SLC25A3: variants seen among roughly 807,000 people sequenced by gnomAD.
SLC25A3 encodes solute carrier family 25 member 3.
A neutral mutation model predicts 37.1 loss-of-function variants in SLC25A3; 14 were observed. That is an observed-to-expected ratio of 0.38 (90% CI 0.25 to 0.59). SLC25A3 has a LOEUF of 0.59. SLC25A3 is among the 20% of genes least tolerant of loss of function. SLC25A3 has a pLI of 0.67. For synonymous variants in SLC25A3, 161 were observed against 168.7 expected, an observed-to-expected ratio of 0.95 and a Z score of 0.36; for missense variants, 385 against 458.1, an observed-to-expected ratio of 0.84 and a Z score of 1.46.
In SLC25A3 at chr12:98,594,015, C is replaced by G; in HGVS notation, c.37C>G (p.Pro13Ala). Residue 13 changes from proline to alanine, a missense_variant, in exon 2 of 8, where the codon CCC becomes GCC. Pro to Ala is a conservative substitution (Grantham distance 27). Coordinates refer to ENST00000552981, the MANE Select transcript of SLC25A3 (RefSeq NM_002635.4). ...SSVAHLARAN[P>A]FNTPHLQLVH... ...CGTGGCGCACCTGGCGCGGGCGAAC[C>G]CCTTCAACACGCCACATCTGCAGCT... 1 of 1,613,820 alleles carries G rather than the reference C, an allele frequency of 6.2e-7. No individual in the cohort carries two copies. The highest frequency in any genetic ancestry group is 1.3e-5 in the African/African-American group (1 of 75,060).
rs1418395127 is a variant in SLC25A3, at chr12:98,602,064, A to G, written c.*536A>G. The G allele has an allele frequency of 6.2e-6, 1 of 161,556 alleles. No homozygotes were observed. Among genetic ancestry groups the G allele is most frequent in the Non-Finnish European group, 1.4e-5 (1 of 74,058 alleles). The allele number at this position is 161,556 out of a possible 1,614,324, so 10.0% of individuals were successfully genotyped here. On this transcript the variant is annotated 3_prime_UTR_variant, in exon 8 of 8. Coordinates refer to ENST00000552981, the MANE Select transcript of SLC25A3 (RefSeq NM_002635.4). ...GTTTGCTAATCCTTATTTGTAAGAC[A>G]AGGTAAACCAAATTAGGCTGATTCT...
chr12:98,598,848 T>C, intron 5 of SLC25A3, 145 bp downstream of exon 5: 1 of 735,684 alleles, frequency 1.4e-6, no homozygotes. Context: ...TGATCTCGGC[T>C]CACTGCAAGC....
In SLC25A3 at chr12:98,603,265, T is replaced by C. The variant is rs1256946971; in HGVS notation, c.*1737T>C. 1 of 152,222 alleles carries C rather than the reference T, an allele frequency of 6.6e-6. No homozygotes were observed. The highest frequency in any genetic ancestry group is 2.4e-5 in the African/African-American group (1 of 41,458). 9.4% of individuals were successfully genotyped at this position (152,222 alleles called of 1,614,324 possible). A position where few individuals can be genotyped will look rare whatever the true frequency, so the allele number is the denominator to read the frequency against. Reference sequence around the variant, plus strand: ...ACTTCTGAGCTGAAAGGATGCTCTTTGTGCTTTTCACTATTAGTGGTATAG... The same window carrying C: ...ACTTCTGAGCTGAAAGGATGCTCTTCGTGCTTTTCACTATTAGTGGTATAG... On this transcript the variant is annotated 3_prime_UTR_variant, in exon 8 of 8. Coordinates refer to ENST00000552981, the MANE Select transcript of SLC25A3 (RefSeq NM_002635.4).
chr12:98,593,877 G>T (rs1205795625), intron 1 of SLC25A3, 98 bp from the exon 2 acceptor site: 8 of 1,375,092 alleles, frequency 5.8e-6, no homozygotes, highest in Non-Finnish European at 8.2e-6. Flanking sequence ...CAAGGGCGTG[G>T]AGACGGGAAG....
chr12:98,597,713 C>T (rs932407498), intron 3 of SLC25A3, 143 bp from the exon 4 acceptor site: 31 of 1,181,190 alleles, frequency 2.6e-5, no homozygotes, highest in African/African-American at 1.1e-4. Flanking sequence ...TGTGAGCCAC[C>T]GTGCCTGGCA....
At chr12:98,597,061 G>C (rs1433756111) in intron 3 of SLC25A3, among the ~76,000 whole-genome samples, 1 of 152,086 alleles carries the variant, frequency 6.6e-6, no homozygotes, top group Non-Finnish European at 1.5e-5. Flanking sequence ...GAGTTGGGTG[G>C]TAAGAAATCT....
rs751357314 is a variant in SLC25A3, at chr12:98,597,639, G to C, written c.280-217G>C. 7.3e-6 allele frequency: 4 copies of C among 547,044 alleles called. No individual in the cohort carries two copies. In the East Asian group the frequency reaches 1.4e-4, roughly 20 times the overall value. The allele number at this position is 547,044 out of a possible 1,614,324, so 33.9% of individuals were successfully genotyped here. On this transcript the variant is annotated intron_variant, in intron 3 of 7. Coordinates refer to ENST00000552981, the MANE Select transcript of SLC25A3 (RefSeq NM_002635.4). ...GGGTTTCACTGTGTTGCCCAGGCTG[G>C]TCTTGAACTCCTGAGCTCAGGTAAT...
chr12:98,594,655 C>T (rs145900321), intron 2 of SLC25A3: 5,455 of 407,300 alleles, frequency 0.013, 42 homozygotes, highest in Non-Finnish European at 0.019. Context: ...GCTTGCAGCC[C>T]TACATAGGCA....
chr12:98,593,827 A>T, intron 1 of SLC25A3, 87 bp downstream of exon 1: 1 of 851,618 alleles, frequency 1.2e-6, no homozygotes, highest in Non-Finnish European at 1.9e-6. Flanking sequence ...CGGTGGGCCC[A>T]GCCGGGAGCA....
rs934331342 is a variant in SLC25A3, at chr12:98,598,035, G to A, written c.459G>A (p.Glu153=). The A allele has an allele frequency of 8.7e-6, 14 of 1,613,020 alleles. No individual in the cohort carries two copies. Among genetic ancestry groups the A allele is most frequent in the Non-Finnish European group, 1.1e-5 (13 of 1,179,178 alleles). The stretch of plus-strand genomic sequence containing the variant: ...TCTTGTATAGCAATATGCTTGGAGA[G>A]GTATGTAATTAACTTTAAAATTGAA... The part of the protein sequence containing the change: ...FKVLYSNMLG[E]ENTYLWRTSL... The change falls in exon 4 of 8, where the codon GAG becomes GAA. Residue 153 remains glutamate, a splice_region_variant and synonymous_variant. Coordinates refer to ENST00000552981, the MANE Select transcript of SLC25A3 (RefSeq NM_002635.4).
At chr12:98,594,482 A>C (rs2097591299) in intron 2 of SLC25A3, 1 of 638,634 alleles carries the variant, frequency 1.6e-6, no homozygotes, top group East Asian at 2.7e-5. Flanking sequence ...CTGACCACCC[A>C]CAGTTCTACT....
intron 6 of SLC25A3, among the ~76,000 whole-genome samples, chr12:98,600,449 G>A (rs1211423104): frequency 6.6e-6 from 1 of 152,008 alleles, no homozygotes; most frequent in African/African-American, 2.4e-5. Context: ...TTTTACCCTT[G>A]TTGCCCAGGC....
At chr12:98,596,673 A>G (rs1218393225) in intron 3 of SLC25A3, among the ~76,000 whole-genome samples, 1 of 152,148 alleles carries the variant, frequency 6.6e-6, no homozygotes, top group Non-Finnish European at 1.5e-5. Context: ...GAACTAGCAT[A>G]TGTTAGGAAT....
rs1436367158 is a variant in SLC25A3 at position 98,604,515 on chromosome 12, A to G, written c.*2987A>G. Reference sequence around the variant, plus strand: ...TTTTGACTTTTTTTTTTTTTTCCCTAGAGAACAGGGTTCTTGCTTTGTCGC... The same window carrying G: ...TTTTGACTTTTTTTTTTTTTTCCCTGGAGAACAGGGTTCTTGCTTTGTCGC... On this transcript the variant is annotated 3_prime_UTR_variant, in exon 8 of 8. Coordinates refer to ENST00000552981, the MANE Select transcript of SLC25A3 (RefSeq NM_002635.4). The G allele has an allele frequency of 3.4e-5, 5 of 148,344 alleles. No individual in the cohort carries two copies. The highest frequency in any genetic ancestry group is 2.0e-4 in the East Asian group (1 of 5,054). The allele number at this position is 148,344 out of a possible 1,614,324, so 9.2% of individuals were successfully genotyped here. A position where few individuals can be genotyped will look rare whatever the true frequency, so the allele number is the denominator to read the frequency against.
At chr12:98,600,648 G>A (rs1204310894) in intron 6 of SLC25A3, among the ~76,000 whole-genome samples, 3 of 152,150 alleles carry the variant, frequency 2.0e-5, no homozygotes, top group African/African-American at 7.2e-5. Context: ...CTGGCCCCAG[G>A]TGATCTGCCT....
intron 5 of SLC25A3, 79 bp from the exon 6 acceptor site, chr12:98,599,876 C>T (rs770076826): frequency 4.1e-6 from 6 of 1,479,842 alleles, no homozygotes; most frequent in Middle Eastern, 1.7e-4. Flanking sequence ...GACTCGTGTG[C>T]GGACATTTCT....
At position 98,601,708 on chromosome 12, in the gene SLC25A3, A is replaced by G. The variant is rs1046906942; in HGVS notation, c.*180A>G. 5.4e-5 allele frequency: 33 copies of G among 613,202 alleles called. No homozygotes were observed. Among genetic ancestry groups the G allele is most frequent in the East Asian group, 3.6e-4 (13 of 35,980 alleles). The allele number at this position is 613,202 out of a possible 1,614,324, so 38.0% of individuals were successfully genotyped here. Reference sequence around the variant, plus strand: ...GTTGAAATAAACCCAACTCTTCATGATTTGCCTGTGACTTATTTTTAAAAC... The same window carrying G: ...GTTGAAATAAACCCAACTCTTCATGGTTTGCCTGTGACTTATTTTTAAAAC... On this transcript the variant is annotated 3_prime_UTR_variant, in exon 8 of 8. Transcript: ENST00000552981.
Position 98,602,402 on chromosome 12 carries a change from G to A in SLC25A3, c.*874G>A, listed in dbSNP as rs902330772. ...TGGTCTCGAACTTCCAACCTCAGGT[G>A]ATCCGCCCGCCTCAGCCTCCCAAAC... is the stretch of plus-strand genomic sequence containing the variant. On this transcript the variant is annotated 3_prime_UTR_variant, in exon 8 of 8. Coordinates refer to ENST00000552981, the MANE Select transcript of SLC25A3 (RefSeq NM_002635.4). 1 of 152,326 alleles carries A rather than the reference G, an allele frequency of 6.6e-6. No homozygotes were observed. Among genetic ancestry groups the A allele is most frequent in the Admixed American group, 6.5e-5 (1 of 15,290 alleles). 9.4% of individuals were successfully genotyped at this position (152,326 alleles called of 1,614,324 possible). A position where few individuals can be genotyped will look rare whatever the true frequency, so the allele number is the denominator to read the frequency against.
intron 5 of SLC25A3, among the ~76,000 whole-genome samples, chr12:98,599,097 T>A (rs1358029463): frequency 6.6e-6 from 1 of 151,258 alleles, no homozygotes; most frequent in Non-Finnish European, 1.5e-5. Flanking sequence ...GTTTTGCTCT[T>A]GTTGTCCAGG....
Sources: gnomAD v4.1 joint callset for allele counts (sites outside exome capture counted in the v4.1 genomes callset) on GRCh38, gnomAD v4.1.1 for gene constraint, MANE v1.5 for transcripts, NCBI Gene and HGNC (gene_info 2026-07-23, HGNC 2026-07-21) for gene names.